The following MAD1L1 variants were observed in gnomAD, a reference collection of about 807,000 sequenced individuals.
The protein encoded by MAD1L1 is mitotic spindle assembly checkpoint protein MAD1.
A neutral mutation model predicts 96.9 loss-of-function variants in MAD1L1; 95 were observed. The ratio of observed to expected loss-of-function variants is 0.98; its 90% CI spans 0.83 to 1.16. The LOEUF (loss-of-function observed/expected upper bound fraction) is 1.16, where lower values mean the gene tolerates loss of function less well. Ranked by LOEUF, MAD1L1 falls within the 50% of genes most tolerant of loss-of-function variation. The pLI, the probability that MAD1L1 is intolerant of heterozygous loss-of-function variation, is 0.00. For synonymous variants in MAD1L1, 473 were observed against 396.6 expected (o/e 1.19, Z -2.29); for missense variants, 1,007 against 954.4 (o/e 1.06, Z -0.73).
chr7:2,063,149 G>A (rs932868528), intron 12 of MAD1L1, among the ~76,000 whole-genome samples: 4 of 152,210 alleles, frequency 2.6e-5, no homozygotes, highest in African/African-American at 9.7e-5. Flanking sequence ...TGTATTCTTT[G>A]AGCTGTATGT....
At chr7:2,072,638 G>A (rs1267908813) in intron 11 of MAD1L1, among the ~76,000 whole-genome samples, 2 of 152,220 alleles carry the variant, frequency 1.3e-5, no homozygotes, top group South Asian at 2.1e-4. Context: ...GCTCCGTGTG[G>A]TCATTTAACT....
chr7:2,043,450 A>C (rs1340477616), intron 12 of MAD1L1, among the ~76,000 whole-genome samples: 1 of 152,204 alleles, frequency 6.6e-6, no homozygotes, highest in Admixed American at 6.5e-5. Flanking sequence ...TCCATGCTGC[A>C]ATCTGTTCTG....
intron 14 of MAD1L1, among the ~76,000 whole-genome samples, chr7:1,993,270 G>T (rs1440764074): frequency 6.6e-6 from 1 of 152,224 alleles, no homozygotes; most frequent in African/African-American, 2.4e-5. Flanking sequence ...CTAGTAAGCA[G>T]TGGGCAGGAC....
In MAD1L1 at chr7:2,215,878, C is replaced by G; in HGVS notation, c.924+7G>C. 6.2e-7 allele frequency: 1 copy of G among 1,613,772 alleles called. No homozygotes were observed. Among genetic ancestry groups the G allele is most frequent in the Non-Finnish European group, 8.5e-7 (1 of 1,179,664 alleles). On this transcript the variant is annotated splice_region_variant and intron_variant, in intron 9 of 18. Transcript: ENST00000265854. ...CCACAGGAACCGCACACCACACAGG[C>G]CCTCACCTCGTTCTCCAGCTCCAAG...
intron 11 of MAD1L1, among the ~76,000 whole-genome samples, chr7:2,089,727 G>C (rs967930050): frequency 1.4e-5 from 2 of 141,610 alleles, no homozygotes; most frequent in African/African-American, 5.2e-5. Flanking sequence ...ACCTGTCCCC[G>C]GGGCCCACCC....
At chr7:2,020,090 T>C (rs1218205173) in intron 12 of MAD1L1, among the ~76,000 whole-genome samples, 5 of 152,238 alleles carry the variant, frequency 3.3e-5, no homozygotes, top group Non-Finnish European at 4.4e-5. Context: ...CTGTTGTGGC[T>C]GCCCTGTCGC....
chr7:2,138,751 G>C (rs2128572894), intron 11 of MAD1L1, among the ~76,000 whole-genome samples: 1 of 152,282 alleles, frequency 6.6e-6, no homozygotes, highest in African/African-American at 2.4e-5. Flanking sequence ...GAAACCCATT[G>C]AGGGTGGAAC....
chr7:1,919,514 C>A (rs527475422), intron 17 of MAD1L1, among the ~76,000 whole-genome samples: 10 of 152,264 alleles, frequency 6.6e-5, no homozygotes, highest in Admixed American at 5.9e-4. Context: ...TCATTGGGAG[C>A]CACTTTTGTT....
At chr7:1,870,917 G>A (rs1161855030) in intron 18 of MAD1L1, among the ~76,000 whole-genome samples, 8 of 133,204 alleles carry the variant, frequency 6.0e-5, no homozygotes, top group South Asian at 5.2e-4. Flanking sequence ...CACCTGCCAC[G>A]CTGAACCCAA....
At chr7:1,911,199 AC>A (rs538427441) in intron 17 of MAD1L1, among the ~76,000 whole-genome samples, 40 of 151,734 alleles carry the variant, frequency 2.6e-4, no homozygotes, top group African/African-American at 9.7e-4. Flanking sequence ...AGCACTCAAC[AC>A]CCGCTGGACA....
At chr7:1,873,039 A>G (rs1224785723) in intron 18 of MAD1L1, among the ~76,000 whole-genome samples, 1 of 152,264 alleles carries the variant, frequency 6.6e-6, no homozygotes, top group Non-Finnish European at 1.5e-5. Flanking sequence ...GAAAGGGCCC[A>G]GCCCAGCAAT....
intron 11 of MAD1L1, among the ~76,000 whole-genome samples, chr7:2,135,105 A>G (rs1474853717): frequency 6.6e-6 from 1 of 152,260 alleles, no homozygotes; most frequent in Non-Finnish European, 1.5e-5. Flanking sequence ...CAGAAAGGTA[A>G]GACTAGCCAC....
chr7:1,826,131 C>T (rs1200112575), intron 18 of MAD1L1, among the ~76,000 whole-genome samples: 5 of 152,122 alleles, frequency 3.3e-5, no homozygotes, highest in Non-Finnish European at 2.9e-5. Context: ...ACCGGGATAC[C>T]GAGGACTCCT....
At position 2,222,765 on chromosome 7, in the gene MAD1L1, A is replaced by G; in HGVS notation, c.292-11T>C. On this transcript the variant is annotated splice_polypyrimidine_tract_variant and intron_variant, in intron 4 of 18. Coordinates refer to ENST00000265854, the MANE Select transcript of MAD1L1 (RefSeq NM_001013836.2). ...GCGGTCGACCTCACGCTGTTAAGAG[A>G]GCAAGAGTCAGATGCCACGTGCCGC... 7 of 1,573,982 alleles carry G rather than the reference A, an allele frequency of 4.4e-6. No homozygotes were observed. The highest frequency in any genetic ancestry group is 6.0e-6 in the Non-Finnish European group (7 of 1,163,360).
intron 10 of MAD1L1, among the ~76,000 whole-genome samples, chr7:2,185,186 G>C (rs1373189849): frequency 1.5e-5 from 2 of 134,314 alleles, no homozygotes; most frequent in African/African-American, 6.2e-5. Context: ...GGGGTGTGCA[G>C]TGTAGATCCC....
intron 11 of MAD1L1, among the ~76,000 whole-genome samples, chr7:2,076,843 C>T (rs571344699): frequency 1.3e-5 from 2 of 150,764 alleles, no homozygotes; most frequent in Admixed American, 6.6e-5. Context: ...GCACGGTCAG[C>T]CTGAGACGGT....
intron 10 of MAD1L1, among the ~76,000 whole-genome samples, chr7:2,165,264 A>C (rs933429051): frequency 6.6e-6 from 1 of 152,208 alleles, no homozygotes; most frequent in African/African-American, 2.4e-5. Context: ...GTTCTACAAC[A>C]AACAAGGCTA....
At chr7:2,057,527 C>G (rs894229140) in intron 12 of MAD1L1, among the ~76,000 whole-genome samples, 56 of 151,702 alleles carry the variant, frequency 3.7e-4, no homozygotes, top group African/African-American at 1.1e-3. Context: ...CACCGCCCCC[C>G]CAAAAAGAAG....
chr7:2,190,079 G>C (rs746611040), intron 10 of MAD1L1, among the ~76,000 whole-genome samples: 3 of 152,116 alleles, frequency 2.0e-5, no homozygotes, highest in Non-Finnish European at 2.9e-5. Context: ...AAATTTATCT[G>C]AAAATAAAAA....
Sources: allele counts gnomAD v4.1 joint callset (sites outside exome capture counted in the v4.1 genomes callset), GRCh38; gene constraint gnomAD v4.1.1; transcripts MANE v1.5; gene names NCBI Gene and HGNC (gene_info 2026-07-23, HGNC 2026-07-21).